Variants in TENM4 observed in about 807,000 individuals in gnomAD.
TENM4 encodes the protein teneurin-4.
TENM4 carries 82 observed loss-of-function variants against 243.3 expected under a neutral mutation model. That is an observed-to-expected ratio of 0.34 (90% CI 0.28 to 0.40). The LOEUF (loss-of-function observed/expected upper bound fraction) is 0.40. Among genes scored for constraint, TENM4 ranks in the 10% least tolerant of loss-of-function variants. The pLI is 1.00. For missense variants in TENM4, 3,138 were observed against 3,673.3 expected (o/e 0.85, Z 3.77); for synonymous variants, 1,412 against 1,456.3 (o/e 0.97, Z 0.69).
At chr11:79,353,676 C>G (rs1169872385) in intron 1 of TENM4, among the ~76,000 whole-genome samples, 2 of 151,708 alleles carry the variant, frequency 1.3e-5, no homozygotes. Context: ...GCTTATATAT[C>G]CACTGCCAAG....
chr11:78,903,893 G>A, intron 6 of TENM4: 1 of 521,874 alleles, frequency 1.9e-6, no homozygotes, highest in Non-Finnish European at 3.7e-6. Context: ...CATCGTCTGG[G>A]AACTTGTTAG....
chr11:78,755,359 G>A (rs986671895), intron 19 of TENM4, among the ~76,000 whole-genome samples: 1 of 151,984 alleles, frequency 6.6e-6, no homozygotes, highest in Non-Finnish European at 1.5e-5. Context: ...TGGAGAGATG[G>A]GGTTTTGCCA....
At chr11:79,414,563 G>C (rs1858772861) in intron 1 of TENM4, among the ~76,000 whole-genome samples, 1 of 152,222 alleles carries the variant, frequency 6.6e-6, no homozygotes, top group Non-Finnish European at 1.5e-5. Context: ...AGCTTCTTCT[G>C]TGCCAGTCTT....
At position 79,339,005 on chromosome 11, in the gene TENM4, G is replaced by C. The variant is rs370031601; in HGVS notation, c.-320-41462C>G. Among the ~76,000 whole-genome samples, 4 of 152,344 alleles carry C rather than the reference G, an allele frequency of 2.6e-5. No homozygotes were observed. In the East Asian group the frequency reaches 7.7e-4, roughly 29 times the overall value. ...GAGCCTTGAAGCGGGAGATGATGGA[G>C]CTGTGTTGGCAACGCCTGCTCAAAC... On this transcript the variant is annotated intron_variant, in intron 1 of 33. Coordinates refer to ENST00000278550, the MANE Select transcript of TENM4 (RefSeq NM_001098816.3).
At chr11:79,040,016 A>G (rs553425289) in intron 6 of TENM4, among the ~76,000 whole-genome samples, 15 of 135,800 alleles carry the variant, frequency 1.1e-4, no homozygotes, top group Non-Finnish European at 2.0e-4. Flanking sequence ...TCGGCTAAAT[A>G]AAAGAGGCAA....
chr11:79,050,887 G>A (rs924240865), intron 6 of TENM4, among the ~76,000 whole-genome samples: 1 of 152,166 alleles, frequency 6.6e-6, no homozygotes, highest in East Asian at 1.9e-4. Flanking sequence ...GCTGACTGGA[G>A]CCTTTTCACA....
At position 78,903,478 on chromosome 11, in the gene TENM4, G is replaced by A. The variant is rs777764585; in HGVS notation, c.539C>T (p.Pro180Leu). 8.4e-6 allele frequency: 13 copies of A among 1,547,696 alleles called. No homozygotes were observed. Among genetic ancestry groups the A allele is most frequent in the East Asian group, 2.4e-5 (1 of 40,868 alleles). Reference protein sequence around the residue: ...LQNHARLRTPPPPLSHAHTPN... With the variant: ...LQNHARLRTPLPPLSHAHTPN... ...GGTGTGGGCGTGCGAGAGCGGCGGC[G>A]GCGGCGTCCGGAGCCGCGCGTGGTT... The change falls in exon 7 of 34, where the codon CCG (proline) becomes CTG (leucine). Residue 180 changes from proline to leucine, a missense_variant. Pro to Leu is a moderately conservative substitution (Grantham distance 98). This residue lies in a region of TENM4 where 671 missense variants were observed against 614.1 expected (regional missense o/e 1.09). Transcript: ENST00000278550.
chr11:78,822,104 A>G (rs1857745963), intron 12 of TENM4, among the ~76,000 whole-genome samples: 1 of 152,180 alleles, frequency 6.6e-6, no homozygotes, highest in African/African-American at 2.4e-5. Flanking sequence ...GGATGTATTC[A>G]AGGAGAGAGC....
intron 9 of TENM4, among the ~76,000 whole-genome samples, chr11:78,873,385 C>T (rs1859187025): frequency 6.6e-6 from 1 of 152,168 alleles, no homozygotes; most frequent in South Asian, 2.1e-4. Flanking sequence ...GTTTTAGAAA[C>T]AGTATCATTT....
At chr11:79,188,542 G>C (rs1243921775) in intron 3 of TENM4, among the ~76,000 whole-genome samples, 3 of 151,688 alleles carry the variant, frequency 2.0e-5, no homozygotes, top group African/African-American at 7.3e-5. Context: ...GGGAAGGAGA[G>C]GAGAGATGAG....
chr11:79,090,804 A>G lies in TENM4; in HGVS notation c.-65-20795T>C, dbSNP rs141361352. On this transcript the variant is annotated intron_variant, in intron 4 of 33. Transcript: ENST00000278550. ...CATCCTTTCCTAAGTTCCCTATTCA[A>G]CCGACGTCCCTGTGTTGGGCATGAG... is the stretch of plus-strand genomic sequence containing the variant. Among the ~76,000 whole-genome samples the G allele has an allele frequency of 3.5e-4, 54 of 152,216 alleles. No homozygotes were observed. The East Asian group carries it at 0.01, about 28-fold the overall frequency.
intron 1 of TENM4, among the ~76,000 whole-genome samples, chr11:79,346,290 G>T (rs1444082106): frequency 6.6e-6 from 1 of 152,160 alleles, no homozygotes; most frequent in Non-Finnish European, 1.5e-5. Context: ...GTACCTCAGT[G>T]TCTGGGTAAG....
At chr11:78,830,575 C>A (rs1274273479) in intron 12 of TENM4, among the ~76,000 whole-genome samples, 1 of 152,236 alleles carries the variant, frequency 6.6e-6, no homozygotes, top group African/African-American at 2.4e-5. Flanking sequence ...TAGCAGGACG[C>A]AGGTGCACAT....
rs1859383834 is a variant in TENM4 at position 79,440,602 on chromosome 11, C to T, written c.-414G>A. Reference sequence around the variant, plus strand: ...GTGGCTCCTCTCTCTCTCGGCGGCGCGGCTCCTCTGCTCCGCGAGCCGTAG... The same window carrying T: ...GTGGCTCCTCTCTCTCTCGGCGGCGTGGCTCCTCTGCTCCGCGAGCCGTAG... On this transcript the variant is annotated 5_prime_UTR_variant, in exon 1 of 34. Transcript: ENST00000278550. This position sits in a 1 kb window ranked among gnomAD's most constrained non-coding sequence, Gnocchi z 4.7. The T allele has an allele frequency of 1.3e-5, 2 of 152,082 alleles. No individual in the cohort carries two copies. The highest frequency in any genetic ancestry group is 2.4e-5 in the African/African-American group (1 of 41,450). The allele number at this position is 152,082 out of a possible 1,614,324, so 9.4% of individuals were successfully genotyped here. A position where few individuals can be genotyped will look rare whatever the true frequency, so the allele number is the denominator to read the frequency against.
chr11:79,123,797 A>G (rs1861800144), intron 4 of TENM4, among the ~76,000 whole-genome samples: 1 of 152,122 alleles, frequency 6.6e-6, no homozygotes, highest in South Asian at 2.1e-4. Context: ...GGGTTTGAAT[A>G]AACACGCAAA....
At chr11:79,030,049 T>A (rs2136848475) in intron 6 of TENM4, among the ~76,000 whole-genome samples, 1 of 152,156 alleles carries the variant, frequency 6.6e-6, no homozygotes, top group Non-Finnish European at 1.5e-5. Context: ...TGGGAGGCAA[T>A]CGGAATCCGC....
At chr11:78,720,224 C>T (rs748139511) in intron 25 of TENM4, 146 bp downstream of exon 25, 21 of 908,050 alleles carry the variant, frequency 2.3e-5, no homozygotes, top group Middle Eastern at 2.2e-4. Flanking sequence ...TAATGACTTC[C>T]TCCCATTGCA....
chr11:79,087,618 A>G (rs1047914881), intron 4 of TENM4, among the ~76,000 whole-genome samples: 4 of 152,216 alleles, frequency 2.6e-5, no homozygotes, highest in African/African-American at 9.6e-5. Flanking sequence ...GCCCAGTCGC[A>G]TGTTCCTTAG....
chr11:78,666,702 A>C (rs1476575181), intron 32 of TENM4, among the ~76,000 whole-genome samples: 2 of 152,234 alleles, frequency 1.3e-5, no homozygotes, highest in African/African-American at 4.8e-5. Flanking sequence ...TCTGTGGTCT[A>C]CATCTGTGTG....
Sources: gnomAD v4.1 joint callset for allele counts (sites outside exome capture counted in the v4.1 genomes callset) on GRCh38, gnomAD v4.1.1 for gene constraint, gnomAD v4.1.1 regional missense constraint, Gnocchi (gnomAD v3.1) non-coding constraint, MANE v1.5 for transcripts, NCBI Gene and HGNC (gene_info 2026-07-23, HGNC 2026-07-21) for gene names.